NBDY: variants seen among roughly 807,000 people sequenced by gnomAD.
NBDY encodes the protein negative regulator of P-body association, also known as P-body dissociating protein.
intron 2 of NBDY, among the ~76,000 whole-genome samples, chrX:56,812,646 T>C (rs1478806434): frequency 9.0e-6 from 1 of 111,216 alleles, no homozygotes; most frequent in Non-Finnish European, 1.9e-5. Flanking sequence ...TGAGAAGCTT[T>C]TCAGTGGTGT....
intron 2 of NBDY, among the ~76,000 whole-genome samples, chrX:56,816,199 G>A (rs1220896584): frequency 9.1e-6 from 1 of 110,371 alleles, no homozygotes; most frequent in Non-Finnish European, 1.9e-5. Flanking sequence ...TCAAAGAACA[G>A]GCAATTCATA....
chrX:56,759,656 G>A (rs1051927459), intron 2 of NBDY, among the ~76,000 whole-genome samples: 8 of 111,661 alleles, frequency 7.2e-5, no homozygotes, highest in African/African-American at 2.6e-4. Flanking sequence ...ACCAGTGCTG[G>A]GGAAAGCCCA....
At chrX:56,734,728 A>G (rs1245978897) in intron 2 of NBDY, among the ~76,000 whole-genome samples, 1 of 111,972 alleles carries the variant, frequency 8.9e-6, no homozygotes, top group African/African-American at 3.3e-5. Context: ...AGAGTGCCAC[A>G]TAGAAGGAAG....
intron 2 of NBDY, among the ~76,000 whole-genome samples, chrX:56,762,796 A>G (rs2069644552): frequency 9.0e-6 from 1 of 110,956 alleles, no homozygotes; most frequent in African/African-American, 3.3e-5. Context: ...GCACCCACAA[A>G]CCATAGACAC....
At chrX:56,765,784 C>A (rs767147780) in intron 2 of NBDY, among the ~76,000 whole-genome samples, 1 of 110,181 alleles carries the variant, frequency 9.1e-6, no homozygotes, top group Non-Finnish European at 1.9e-5. Context: ...TCCTTCTACT[C>A]CTCCTCCCCC....
intron 2 of NBDY, among the ~76,000 whole-genome samples, chrX:56,815,833 A>G (rs764127522): frequency 2.7e-4 from 30 of 111,983 alleles, no homozygotes; most frequent in South Asian, 7.3e-4. Context: ...GTTGGTAAGT[A>G]TATGTGTCTT....
chrX:56,736,328 A>C (rs1426789200), intron 2 of NBDY, among the ~76,000 whole-genome samples: 1 of 111,819 alleles, frequency 8.9e-6, no homozygotes, highest in Non-Finnish European at 1.9e-5. Flanking sequence ...GCAGTGGCGC[A>C]ATCTAGGCCC....
intron 1 of NBDY, among the ~76,000 whole-genome samples, chrX:56,730,739 C>G (rs921053566): frequency 9.1e-6 from 1 of 110,110 alleles, no homozygotes; most frequent in Non-Finnish European, 1.9e-5. Flanking sequence ...AAATGTTATG[C>G]TGAGCATATA....
intron 2 of NBDY, among the ~76,000 whole-genome samples, chrX:56,748,710 A>T (rs2069568016): frequency 9.4e-6 from 1 of 106,160 alleles, no homozygotes; most frequent in Admixed American, 1.0e-4. Context: ...AGGGTTCAGT[A>T]CTGAAAAATA....
chrX:56,729,713 G>A (rs909038426), intron 1 of NBDY, 124 bp downstream of exon 1: 1 of 284,676 alleles, frequency 3.5e-6, no homozygotes, highest in Non-Finnish European at 6.1e-6. Context: ...AACATGCAGG[G>A]ATTAAGCAGC....
At chrX:56,800,722 C>A (rs899546592) in intron 2 of NBDY, among the ~76,000 whole-genome samples, 2 of 110,927 alleles carry the variant, frequency 1.8e-5, no homozygotes, top group African/African-American at 3.3e-5. Flanking sequence ...TACTTTTCAT[C>A]AATTTCTGGT....
chrX:56,818,994 A>C lies in NBDY; in HGVS notation c.*1841A>C, dbSNP rs1250252419. On this transcript the variant is annotated 3_prime_UTR_variant, in exon 3 of 3. Transcript: ENST00000374922. ...ACTTGGTATCTACATGCAAAAAAAA[A>C]ACAAAAAAACAAAAAACTTCCACCC... 10 of 81,893 alleles carry C rather than the reference A, an allele frequency of 1.2e-4. No individual in the cohort carries two copies. Among genetic ancestry groups the C allele is most frequent in the African/African-American group, 1.7e-4 (4 of 23,641 alleles). The allele number at this position is 81,893 out of a possible 1,213,427, so 6.7% of individuals were successfully genotyped here.
intron 2 of NBDY, among the ~76,000 whole-genome samples, chrX:56,784,795 T>C (rs773930466): frequency 9.0e-6 from 1 of 111,496 alleles, no homozygotes; most frequent in African/African-American, 3.3e-5. Flanking sequence ...TTTTGCCGGC[T>C]CTTTAGGGTT....
At chrX:56,782,215 C>CAAA (rs200957945) in intron 2 of NBDY, among the ~76,000 whole-genome samples, 1,204 of 110,947 alleles carry the variant, frequency 0.011, 17 homozygotes, top group African/African-American at 0.038. Flanking sequence ...TGTTCTTGTT[C>CAAA]TCTTTCTGGT....
chrX:56,735,442 C>T (rs897669418), intron 2 of NBDY, among the ~76,000 whole-genome samples: 1 of 112,141 alleles, frequency 8.9e-6, no homozygotes. Flanking sequence ...AGGTGGATAG[C>T]CTGGGAGTTC....
chrX:56,808,426 C>T (rs2069866108), intron 2 of NBDY, among the ~76,000 whole-genome samples: 1 of 112,246 alleles, frequency 8.9e-6, no homozygotes, highest in Non-Finnish European at 1.9e-5. Context: ...ATTGCTCCCT[C>T]AATTTCAGAG....
intron 2 of NBDY, among the ~76,000 whole-genome samples, chrX:56,815,371 A>G (rs757834730): frequency 3.6e-5 from 4 of 111,811 alleles, no homozygotes; most frequent in African/African-American, 1.3e-4. Context: ...TTGGATTACT[A>G]AATTCTTAAA....
chrX:56,786,937 C>T (rs989585492), intron 2 of NBDY, among the ~76,000 whole-genome samples: 12 of 111,418 alleles, frequency 1.1e-4, no homozygotes, highest in Admixed American at 5.7e-4. Context: ...AATGAAATGT[C>T]GTGGTGAATG....
intron 2 of NBDY, among the ~76,000 whole-genome samples, chrX:56,816,836 G>C (rs1412182908): frequency 1.8e-5 from 2 of 111,027 alleles, no homozygotes; most frequent in African/African-American, 6.5e-5. Flanking sequence ...GAAGAATTAT[G>C]TCTATGTTGT....
Sources: gnomAD v4.1 joint callset for allele counts (sites outside exome capture counted in the v4.1 genomes callset) on GRCh38, gnomAD v4.1.1 for gene constraint, MANE v1.5 for transcripts, NCBI Gene and HGNC (gene_info 2026-07-23, HGNC 2026-07-21) for gene names.